The following NEIL2 variants were observed in gnomAD, a reference collection of about 807,000 sequenced individuals.
The protein encoded by NEIL2 is nei like DNA glycosylase 2.
A neutral mutation model predicts 22.2 loss-of-function variants in NEIL2; 23 were observed. The observed-to-expected ratio is 1.04, with a 90% CI of 0.75 to 1.47. NEIL2 has a LOEUF of 1.47. Ranked by LOEUF, NEIL2 falls within the 40% of genes most tolerant of loss-of-function variation. The pLI, the probability that NEIL2 is intolerant of heterozygous loss-of-function variation, is 0.00. For synonymous variants in NEIL2, 229 were observed against 164.8 expected (o/e 1.39, Z -2.99); for missense variants, 583 against 404.7 (o/e 1.44, Z -3.78).
At chr8:11,780,602 G>A (rs1244463968) in intron 3 of NEIL2, among the ~76,000 whole-genome samples, 1 of 152,130 alleles carries the variant, frequency 6.6e-6, no homozygotes, top group Non-Finnish European at 1.5e-5. Context: ...TGGCTGGTCT[G>A]GAACTCCTGG....
chr8:11,772,443 C>T (rs1335022383), intron 2 of NEIL2, among the ~76,000 whole-genome samples: 1 of 152,190 alleles, frequency 6.6e-6, no homozygotes, highest in Non-Finnish European at 1.5e-5. Context: ...CAACTCTGCC[C>T]CTGTTCCCTC....
chr8:11,773,102 A>G (rs1803614112), intron 2 of NEIL2, among the ~76,000 whole-genome samples: 1 of 152,192 alleles, frequency 6.6e-6, no homozygotes, highest in South Asian at 2.1e-4. Flanking sequence ...CATGGCCTCC[A>G]GGACTGTGGC....
rs1457845379 is a variant in NEIL2, at chr8:11,773,643, T to TA, written c.138+2058_138+2059insA. On this transcript the variant is annotated intron_variant, in intron 2 of 4. Coordinates refer to ENST00000284503, the MANE Select transcript of NEIL2 (RefSeq NM_145043.4). ...GACTGAAGAGGGAGGAAAGGGCATT[T>TA]CAGGCTTGAGAAGCAGTTACAGGCG... is the stretch of plus-strand genomic sequence containing the variant. Among the ~76,000 whole-genome samples, 4 of 152,228 alleles carry TA rather than the reference T, an allele frequency of 2.6e-5. No homozygotes were observed. The South Asian group carries it at 8.3e-4, about 32-fold the overall frequency.
chr8:11,774,734 G>A (rs1231494571), intron 2 of NEIL2, among the ~76,000 whole-genome samples: 1 of 152,242 alleles, frequency 6.6e-6, no homozygotes, highest in Non-Finnish European at 1.5e-5. Flanking sequence ...TACAGGCATT[G>A]GGTAAATACA....
At chr8:11,785,843 G>T (rs889669146) in intron 4 of NEIL2, 120 bp from the exon 5 acceptor site, 3 of 884,486 alleles carry the variant, frequency 3.4e-6, no homozygotes, top group Non-Finnish European at 5.7e-6. Flanking sequence ...AGAGATCGCA[G>T]ACCCGTCTAG....
intron 2 of NEIL2, among the ~76,000 whole-genome samples, chr8:11,778,062 G>C (rs951198591): frequency 1.3e-5 from 2 of 152,208 alleles, no homozygotes; most frequent in Admixed American, 1.3e-4. Context: ...TTAATGATTA[G>C]TGAATTGAAG....
At chr8:11,770,708 C>G (rs1258474042) in intron 1 of NEIL2, among the ~76,000 whole-genome samples, 1 of 152,074 alleles carries the variant, frequency 6.6e-6, no homozygotes, top group Non-Finnish European at 1.5e-5. Flanking sequence ...CCGAACAGCC[C>G]GGGTGTACAC....
chr8:11,779,691 G>A lies in NEIL2; in HGVS notation c.232G>A (p.Val78Met), dbSNP rs1008723742. ...SPTPEPPQKEVQKEGAADPKQ... is the reference protein window; with the variant it reads ...SPTPEPPQKEMQKEGAADPKQ... Reference sequence around the variant, plus strand: ...AACACCAGAGCCTCCACAAAAAGAAGTGCAGAAGGAAGGGGCTGCGGACCC... The same window carrying A: ...AACACCAGAGCCTCCACAAAAAGAAATGCAGAAGGAAGGGGCTGCGGACCC... Residue 78 changes from valine to methionine, a missense_variant, in exon 3 of 5, where the codon GTG becomes ATG. By Grantham distance (21) the Val-to-Met change is conservative (BLOSUM62 1). Coordinates refer to ENST00000284503, the MANE Select transcript of NEIL2 (RefSeq NM_145043.4). 68 of 1,613,984 alleles carry A rather than the reference G, an allele frequency of 4.2e-5. 1 individual carries two copies. The highest frequency in any genetic ancestry group is 5.7e-5 in the Non-Finnish European group (67 of 1,180,012).
intron 1 of NEIL2, 31 bp from the exon 2 acceptor site, chr8:11,771,415 G>C (rs28475629): frequency 6.2e-7 from 1 of 1,612,554 alleles, no homozygotes; most frequent in Admixed American, 1.7e-5. Flanking sequence ...GAGCTAAGTC[G>C]GTGGCCTCTT....
chr8:11,769,957 C>T lies in NEIL2; in HGVS notation c.-381C>T. 1 of 152,342 alleles carries T rather than the reference C, an allele frequency of 6.6e-6. No individual in the cohort carries two copies. Among genetic ancestry groups the T allele is most frequent in the Middle Eastern group, 3.1e-3 (1 of 320 alleles). 9.4% of individuals were successfully genotyped at this position (152,342 alleles called of 1,614,324 possible). ...GACCCTCAGACCCGCGTCTGCGCCC[C>T]TCTCCCCGCACCCCGAGGCAGAGTT... On this transcript the variant is annotated 5_prime_UTR_variant, in exon 1 of 5. Coordinates refer to ENST00000284503, the MANE Select transcript of NEIL2 (RefSeq NM_145043.4).
chr8:11,773,998 A>C (rs958338807), intron 2 of NEIL2, among the ~76,000 whole-genome samples: 2 of 152,150 alleles, frequency 1.3e-5, no homozygotes, highest in Non-Finnish European at 2.9e-5. Context: ...GAGGCCTCGC[A>C]ATTATGGCAG....
At chr8:11,775,278 C>G (rs1803811440) in intron 2 of NEIL2, among the ~76,000 whole-genome samples, 1 of 152,132 alleles carries the variant, frequency 6.6e-6, no homozygotes, top group South Asian at 2.1e-4. Context: ...AGGCTCAACA[C>G]CACATGTGAA....
rs1176037158 is a variant in NEIL2, at chr8:11,786,707, T to C, written c.*434T>C. The C allele has an allele frequency of 4.4e-6, 1 of 228,180 alleles. No homozygotes were observed. Among genetic ancestry groups the C allele is most frequent in the African/African-American group, 2.4e-5 (1 of 42,460 alleles). 14.1% of individuals were successfully genotyped at this position (228,180 alleles called of 1,614,324 possible). A position where few individuals can be genotyped will look rare whatever the true frequency, so the allele number is the denominator to read the frequency against. ...CTGGCTAGGGTGTGGTGGTGTGATC[T>C]TGGCTCACGGCAGCCTTGCCCTCCC... On this transcript the variant is annotated 3_prime_UTR_variant, in exon 5 of 5. Coordinates refer to ENST00000284503, the MANE Select transcript of NEIL2 (RefSeq NM_145043.4).
intron 1 of NEIL2, 139 bp downstream of exon 1, chr8:11,770,474 ATG>A (rs1315326515): frequency 1.3e-5 from 2 of 152,152 alleles, no homozygotes; most frequent in Non-Finnish European, 2.9e-5. Flanking sequence ...GCGTTATTGA[ATG>A]TGCTGCTGCC....
chr8:11,779,618 C>T lies in NEIL2; in HGVS notation c.159C>T (p.Phe53=), dbSNP rs774874068. ...TCTAGGTCCATGGAAAGAAATTATT[C>T]CTTAGATTTGATCTAGATGAAGAAA... The part of the protein sequence containing the change: ...QDTQVHGKKL[F]LRFDLDEEMG... The change falls in exon 3 of 5, where the codon TTC becomes TTT. Residue 53 remains phenylalanine (F), a synonymous_variant. Transcript: ENST00000284503. 3 of 1,612,784 alleles carry T rather than the reference C, an allele frequency of 1.9e-6. No homozygotes were observed. The highest frequency in any genetic ancestry group is 2.5e-6 in the Non-Finnish European group (3 of 1,179,528).
In NEIL2 at chr8:11,786,220, C is replaced by G. The variant is rs762458065; in HGVS notation, c.946C>G (p.Pro316Ala). The change falls in exon 5 of 5, where the codon CCG (proline) becomes GCG (alanine). Residue 316 changes from proline to alanine, a missense_variant. Physicochemically the swap from Pro to Ala is conservative, Grantham distance 27 (BLOSUM62 -1). Transcript: ENST00000284503. Reference protein sequence around the residue: ...DGLQRLTWWCPQCQPQLSEEP... With the variant: ...DGLQRLTWWCAQCQPQLSEEP... ...GTTACAGAGGCTCACCTGGTGGTGC[C>G]CGCAGTGCCAGCCCCAGTTGTCAGA... 6.2e-7 allele frequency: 1 copy of G among 1,613,226 alleles called. No individual in the cohort carries two copies. Among genetic ancestry groups the G allele is most frequent in the Non-Finnish European group, 8.5e-7 (1 of 1,180,016 alleles).
intron 3 of NEIL2, 98 bp from the exon 4 acceptor site, chr8:11,783,105 T>C (rs1037062834): frequency 8.3e-6 from 8 of 961,350 alleles, no homozygotes; most frequent in African/African-American, 1.6e-5. Flanking sequence ...GTGGTAACGA[T>C]GTGGGGATGT....
At chr8:11,772,019 A>G (rs1344524333) in intron 2 of NEIL2, among the ~76,000 whole-genome samples, 3 of 143,600 alleles carry the variant, frequency 2.1e-5, no homozygotes. Context: ...CCTGGCTAAC[A>G]TGATGAAACC....
Position 11,779,544 on chromosome 8 carries a change from C to T in NEIL2, c.139-54C>T, listed in dbSNP as rs1427072068. 4 of 1,353,256 alleles carry T rather than the reference C, an allele frequency of 3.0e-6. No individual in the cohort carries two copies. The African/African-American group carries it at 4.3e-5, about 15-fold the overall frequency. 83.8% of individuals were successfully genotyped at this position (1,353,256 alleles called of 1,614,324 possible). On this transcript the variant is annotated intron_variant, in intron 2 of 4. Transcript: ENST00000284503. ...TGCAATAGGATAAATATCCGCATTC[C>T]CCAGTTCCCCTCTCTGGGTCTGTAA...
Sources: gnomAD v4.1 joint callset for allele counts (sites outside exome capture counted in the v4.1 genomes callset) on GRCh38, gnomAD v4.1.1 for gene constraint, MANE v1.5 for transcripts, NCBI Gene and HGNC (gene_info 2026-07-23, HGNC 2026-07-21) for gene names.